Variants in IL1RAPL2 observed in about 807,000 individuals in gnomAD.
The protein encoded by IL1RAPL2 is interleukin 1 receptor accessory protein like 2.
IL1RAPL2 carries 3 observed loss-of-function variants against 44.1 expected under a neutral mutation model. That is an observed-to-expected ratio of 0.07 (90% CI 0.03 to 0.18). The LOEUF is 0.18. Ranked by LOEUF, IL1RAPL2 falls within the 10% of genes least tolerant of loss-of-function variation. The probability of loss-of-function intolerance (pLI) is 1.00; values close to 1 mark genes in which losing one functional copy is unlikely to be tolerated. For missense variants in IL1RAPL2, 391 were observed against 496.4 expected, an observed-to-expected ratio of 0.79 and a Z score of 2.02; for synonymous variants, 181 against 178.8, an observed-to-expected ratio of 1.01 and a Z score of -0.10.
chrX:105,308,711 T>C (rs1339657223), intron 5 of IL1RAPL2, among the ~76,000 whole-genome samples: 1 of 112,748 alleles, frequency 8.9e-6, no homozygotes, highest in Non-Finnish European at 1.9e-5. Flanking sequence ...TTAGATTGTT[T>C]CTAATTTTGG....
chrX:105,729,156 G>A (rs767119970), intron 7 of IL1RAPL2, among the ~76,000 whole-genome samples: 7 of 111,538 alleles, frequency 6.3e-5, no homozygotes, highest in Non-Finnish European at 9.5e-5. Flanking sequence ...TTATTTCCAA[G>A]TTTTGGCAAT....
At chrX:105,317,350 A>G (rs888326295) in intron 5 of IL1RAPL2, among the ~76,000 whole-genome samples, 2 of 111,952 alleles carry the variant, frequency 1.8e-5, no homozygotes, top group African/African-American at 3.2e-5. Flanking sequence ...ATCCATTTGC[A>G]TGGGGTTTTC....
chrX:104,650,691 T>A (rs1010845579), intron 1 of IL1RAPL2, among the ~76,000 whole-genome samples: 4 of 111,997 alleles, frequency 3.6e-5, no homozygotes, highest in Non-Finnish European at 7.5e-5. Flanking sequence ...CAAATATAGG[T>A]TGCTCTTCAT....
chrX:105,038,926 A>G (rs1569367268), intron 2 of IL1RAPL2, among the ~76,000 whole-genome samples: 2 of 111,635 alleles, frequency 1.8e-5, no homozygotes, highest in Non-Finnish European at 3.8e-5. Flanking sequence ...CTTTTTACTT[A>G]ACTAAAGTAG....
chrX:105,161,467 A>G (rs1286545910), intron 2 of IL1RAPL2, among the ~76,000 whole-genome samples: 2 of 109,416 alleles, frequency 1.8e-5, no homozygotes, highest in African/African-American at 6.6e-5. Context: ...AAAATTATTT[A>G]TTTGACAGCA....
intron 6 of IL1RAPL2, among the ~76,000 whole-genome samples, chrX:105,593,542 C>T (rs1850846730): frequency 2.7e-5 from 3 of 111,625 alleles, no homozygotes; most frequent in African/African-American, 9.8e-5. Flanking sequence ...GTCTCATCTG[C>T]CTGGGCTGAT....
intron 1 of IL1RAPL2, among the ~76,000 whole-genome samples, chrX:104,590,481 T>C (rs751634857): frequency 2.7e-5 from 3 of 112,201 alleles, no homozygotes; most frequent in African/African-American, 6.5e-5. Flanking sequence ...GATGGAACAT[T>C]CTCAAAAAGA....
At chrX:104,840,289 A>C (rs1921864976) in intron 2 of IL1RAPL2, among the ~76,000 whole-genome samples, 1 of 111,771 alleles carries the variant, frequency 8.9e-6, no homozygotes, top group Non-Finnish European at 1.9e-5. Flanking sequence ...GTTTCAAATT[A>C]CTTCTTGATT....
chrX:105,559,586 G>A (rs1415269253), intron 6 of IL1RAPL2, among the ~76,000 whole-genome samples: 1 of 111,778 alleles, frequency 8.9e-6, no homozygotes, highest in Non-Finnish European at 1.9e-5. Context: ...CCCCACATGT[G>A]CTCACAAACA....
intron 2 of IL1RAPL2, among the ~76,000 whole-genome samples, chrX:105,013,089 T>C (rs770382197): frequency 9.0e-6 from 1 of 111,487 alleles, no homozygotes; most frequent in East Asian, 2.9e-4. Flanking sequence ...TTCTTATATT[T>C]GCTTTACTTC....
Position 105,739,700 on chromosome X carries a change from A to C in IL1RAPL2, c.903-846A>C, listed in dbSNP as rs1351396654. On this transcript the variant is annotated intron_variant, in intron 7 of 10. Transcript: ENST00000372582. ...AACTCATCATTTTTTATGGCTGCAT[A>C]GTATTCCATGGTGTATATGTGCCAC... is the stretch of plus-strand genomic sequence containing the variant. Among the ~76,000 whole-genome samples the C allele has an allele frequency of 2.0e-3, 208 of 106,109 alleles. 3 individuals are homozygous for C. The highest frequency in any genetic ancestry group is 6.9e-3 in the African/African-American group (201 of 29,163). The allele number at this position is 106,109 out of a possible 115,157, so 92.1% of individuals were successfully genotyped here.
chrX:105,494,536 C>A (rs1259576857), intron 6 of IL1RAPL2, among the ~76,000 whole-genome samples: 1 of 111,579 alleles, frequency 9.0e-6, no homozygotes, highest in Non-Finnish European at 1.9e-5. Context: ...TAGACAATTC[C>A]ATTAATTGTC....
At chrX:104,840,809 G>C (rs1921880691) in intron 2 of IL1RAPL2, among the ~76,000 whole-genome samples, 1 of 109,704 alleles carries the variant, frequency 9.1e-6, no homozygotes, top group Admixed American at 9.7e-5. Context: ...CGAGTAGCTG[G>C]GATTACCGGC....
intron 2 of IL1RAPL2, among the ~76,000 whole-genome samples, chrX:105,171,030 G>T (rs2033418732): frequency 9.0e-6 from 1 of 111,426 alleles, no homozygotes; most frequent in South Asian, 3.8e-4. Context: ...TCATGGAGTT[G>T]TTGAGCCAGC....
chrX:105,021,830 A>C (rs191939619), intron 2 of IL1RAPL2, among the ~76,000 whole-genome samples: 9 of 111,173 alleles, frequency 8.1e-5, no homozygotes, highest in Non-Finnish European at 1.5e-4. Context: ...ATTTATTCAA[A>C]TAGTAAATAA....
intron 2 of IL1RAPL2, among the ~76,000 whole-genome samples, chrX:105,010,912 TAGAG>T (rs2031037507): frequency 9.0e-6 from 1 of 111,551 alleles, no homozygotes; most frequent in East Asian, 2.8e-4. Context: ...CTATAGGAAG[TAGAG>T]AGACTCTGAG....
Position 105,729,921 on chromosome X carries a change from G to GA in IL1RAPL2, c.903-10624dup, listed in dbSNP as rs1298369862. ...GGAAGGAAGGAAGGAAGGAAGGAAG[G>GA]AGGGAGGGAGGGAGGGAAGGAAGGA... On this transcript the variant is annotated intron_variant, in intron 7 of 10. Transcript: ENST00000372582. Among the ~76,000 whole-genome samples the GA allele has an allele frequency of 8.1e-4, 71 of 87,295 alleles. 2 individuals carry two copies. The highest frequency in any genetic ancestry group is 2.0e-3 in the South Asian group (3 of 1,501). The allele number at this position is 87,295 out of a possible 115,157, so 75.8% of individuals were successfully genotyped here. A position where few individuals can be genotyped will look rare whatever the true frequency, so the allele number is the denominator to read the frequency against.
intron 2 of IL1RAPL2, among the ~76,000 whole-genome samples, chrX:105,173,177 A>C (rs376707959): frequency 9.0e-6 from 1 of 111,203 alleles, no homozygotes; most frequent in Non-Finnish European, 1.9e-5. Context: ...GGCCACCTAC[A>C]TGGAAATATT....
intron 6 of IL1RAPL2, among the ~76,000 whole-genome samples, chrX:105,615,468 G>GTA (rs1306158254): frequency 8.9e-6 from 1 of 111,906 alleles, no homozygotes; most frequent in African/African-American, 3.3e-5. Context: ...AGAAAATGTG[G>GTA]TACATATATA....
Sources: allele counts gnomAD v4.1 joint callset (sites outside exome capture counted in the v4.1 genomes callset), GRCh38; gene constraint gnomAD v4.1.1; transcripts MANE v1.5; gene names NCBI Gene and HGNC (gene_info 2026-07-23, HGNC 2026-07-21).